LDLRAD4: variants seen among roughly 807,000 people sequenced by gnomAD.
LDLRAD4 encodes the protein low-density lipoprotein receptor class A domain-containing protein 4.
LDLRAD4 carries 5 observed loss-of-function variants against 17.0 expected under a neutral mutation model. The observed-to-expected ratio is 0.29, with a 90% CI of 0.15 to 0.62. LDLRAD4 has a LOEUF of 0.62. Ranked by LOEUF, LDLRAD4 falls within the 20% of genes least tolerant of loss-of-function variation. LDLRAD4 has a pLI of 0.84. For missense variants in LDLRAD4, 340 were observed against 424.7 expected, an observed-to-expected ratio of 0.80 and a Z score of 1.75; for synonymous variants, 168 against 171.8, an observed-to-expected ratio of 0.98 and a Z score of 0.17.
At chr18:13,448,502 C>A (rs931405367) in intron 3 of LDLRAD4, among the ~76,000 whole-genome samples, 2 of 152,206 alleles carry the variant, frequency 1.3e-5, no homozygotes, top group South Asian at 4.2e-4. Flanking sequence ...CCTGCGTAGT[C>A]GTGATGCTTG....
chr18:13,396,720 C>T (rs929346832), intron 2 of LDLRAD4, among the ~76,000 whole-genome samples: 58 of 152,178 alleles, frequency 3.8e-4, no homozygotes, highest in African/African-American at 1.1e-3. Context: ...TGGGCTCAAG[C>T]GATCCTCCTG....
At chr18:13,475,954 C>A (rs2092928792) in intron 3 of LDLRAD4, among the ~76,000 whole-genome samples, 1 of 152,098 alleles carries the variant, frequency 6.6e-6, no homozygotes, top group Admixed American at 6.6e-5. Context: ...TCACAGGTGC[C>A]CAGGAGATCG....
intron 3 of LDLRAD4, among the ~76,000 whole-genome samples, chr18:13,485,960 A>G (rs562743474): frequency 1.1e-4 from 16 of 152,358 alleles, no homozygotes; most frequent in African/African-American, 3.8e-4. Context: ...AAAATGCAAA[A>G]GGGTAAAGCT....
At chr18:13,567,418 C>T (rs1447525456) in intron 3 of LDLRAD4, among the ~76,000 whole-genome samples, 6 of 152,206 alleles carry the variant, frequency 3.9e-5, no homozygotes, top group Non-Finnish European at 8.8e-5. Context: ...GGCCTGCTGC[C>T]GTAGGGCCTG....
chr18:13,347,065 A>C (rs1204413073), intron 1 of LDLRAD4, among the ~76,000 whole-genome samples: 1 of 152,074 alleles, frequency 6.6e-6, no homozygotes, highest in East Asian at 1.9e-4. Flanking sequence ...CATTTAGTTC[A>C]TTTACATTTA....
At chr18:13,620,182 CA>C (rs2040486187) in intron 3 of LDLRAD4, among the ~76,000 whole-genome samples, 1 of 152,198 alleles carries the variant, frequency 6.6e-6, no homozygotes, top group African/African-American at 2.4e-5. Flanking sequence ...TATGCCTCCC[CA>C]CTGGCCGGGG....
chr18:13,434,899 G>A (rs1357579213), intron 2 of LDLRAD4, among the ~76,000 whole-genome samples: 1 of 152,216 alleles, frequency 6.6e-6, no homozygotes, highest in East Asian at 1.9e-4. Context: ...CTCCATCTGC[G>A]CTGCCCATTG....
chr18:13,558,441 G>A (rs967323150), intron 3 of LDLRAD4, among the ~76,000 whole-genome samples: 1 of 152,206 alleles, frequency 6.6e-6, no homozygotes. Flanking sequence ...GGAAAACATT[G>A]TTCTAGACCC....
chr18:13,266,375 G>C (rs770632926), intron 1 of LDLRAD4, among the ~76,000 whole-genome samples: 2 of 152,142 alleles, frequency 1.3e-5, no homozygotes, highest in East Asian at 3.9e-4. Context: ...CTGGTACCTC[G>C]CACTGGGTCC....
Position 13,286,143 on chromosome 18 carries a change from A to C in LDLRAD4, c.-383+7955A>C, listed in dbSNP as rs552076478. On this transcript the variant is annotated intron_variant, in intron 1 of 5. Coordinates refer to ENST00000359446, the Ensembl canonical transcript of LDLRAD4. The stretch of plus-strand genomic sequence containing the variant: ...ACCCATGGTTCTACTTTCTGTCTCT[A>C]TGATTTTGACTGCTCTACATACCTC... Among the ~76,000 whole-genome samples, 139 of 152,244 alleles carry C rather than the reference A, an allele frequency of 9.1e-4. 1 individual carries two copies. The highest frequency in any genetic ancestry group is 3.1e-3 in the African/African-American group (130 of 41,524).
intron 3 of LDLRAD4, among the ~76,000 whole-genome samples, chr18:13,452,790 G>T (rs1420406434): frequency 6.6e-6 from 1 of 152,136 alleles, no homozygotes; most frequent in African/African-American, 2.4e-5. Flanking sequence ...TCATTTAATT[G>T]TTAGAACAAC....
chr18:13,629,628 T>C (rs905875370), intron 4 of LDLRAD4, among the ~76,000 whole-genome samples: 4 of 152,226 alleles, frequency 2.6e-5, no homozygotes, highest in Non-Finnish European at 4.4e-5. Context: ...GTGGCTAAAA[T>C]AATAATTTTA....
intron 1 of LDLRAD4, among the ~76,000 whole-genome samples, chr18:13,312,250 A>G (rs2146750545): frequency 6.6e-6 from 1 of 152,260 alleles, no homozygotes; most frequent in African/African-American, 2.4e-5. Flanking sequence ...TATTGTATAA[A>G]ATTATATGTG....
At chr18:13,234,495 C>T (rs2042238782) in intron 1 of LDLRAD4, among the ~76,000 whole-genome samples, 1 of 152,152 alleles carries the variant, frequency 6.6e-6, no homozygotes, top group African/African-American at 2.4e-5. Context: ...TGAGCAGGCA[C>T]CTGTGAGCAG....
At chr18:13,626,023 A>T (rs987016059) in intron 4 of LDLRAD4, among the ~76,000 whole-genome samples, 5 of 151,758 alleles carry the variant, frequency 3.3e-5, no homozygotes, top group African/African-American at 1.2e-4. Context: ...AGGGGGGCCC[A>T]AGGAATGGAT....
intron 3 of LDLRAD4, among the ~76,000 whole-genome samples, chr18:13,467,062 A>G (rs1475492170): frequency 6.6e-6 from 1 of 152,248 alleles, no homozygotes; most frequent in East Asian, 1.9e-4. Context: ...TCAGTGGTGA[A>G]AGCTTTAAAC....
At chr18:13,600,617 C>G (rs1253303015) in intron 3 of LDLRAD4, among the ~76,000 whole-genome samples, 1 of 152,222 alleles carries the variant, frequency 6.6e-6, no homozygotes, top group Non-Finnish European at 1.5e-5. Flanking sequence ...AGCTAAAAAT[C>G]ACCAAGAAGA....
intron 2 of LDLRAD4, among the ~76,000 whole-genome samples, chr18:13,412,454 C>G (rs559489821): frequency 1.6e-4 from 25 of 152,248 alleles, no homozygotes; most frequent in African/African-American, 6.0e-4. Context: ...CCATATTTCT[C>G]TATTATAACA....
intron 3 of LDLRAD4, among the ~76,000 whole-genome samples, chr18:13,475,402 T>C (rs986174918): frequency 4.7e-5 from 7 of 150,236 alleles, no homozygotes; most frequent in Non-Finnish European, 1.0e-4. Flanking sequence ...GCTGGGACTC[T>C]GGTGCTCGCC....
Sources: gnomAD v4.1 joint callset for allele counts (sites outside exome capture counted in the v4.1 genomes callset) on GRCh38, gnomAD v4.1.1 for gene constraint, MANE v1.5 for transcripts, NCBI Gene and HGNC (gene_info 2026-07-23, HGNC 2026-07-21) for gene names.